The following CNTNAP5 variants were observed in gnomAD, a reference collection of about 807,000 sequenced individuals.
The protein encoded by CNTNAP5 is contactin associated protein family member 5.
A neutral mutation model predicts 150.2 loss-of-function variants in CNTNAP5; 72 were observed. That is an observed-to-expected ratio of 0.48 (90% CI 0.40 to 0.58). The LOEUF (loss-of-function observed/expected upper bound fraction) is 0.58, where lower values mean the gene tolerates loss of function less well. Ranked by LOEUF, CNTNAP5 falls within the 20% of genes least tolerant of loss-of-function variation. CNTNAP5 has a pLI of 0.00. For missense variants in CNTNAP5, 1,636 were observed against 1,626.2 expected (o/e 1.01, Z -0.10); for synonymous variants, 672 against 619.8 (o/e 1.08, Z -1.25).
At chr2:124,675,966 T>C (rs578059856) in intron 13 of CNTNAP5, among the ~76,000 whole-genome samples, 1 of 152,326 alleles carries the variant, frequency 6.6e-6, no homozygotes, top group East Asian at 1.9e-4. Flanking sequence ...TCAGATAATA[T>C]AATGTGGAAA....
At chr2:124,579,695 T>A (rs1005896442) in intron 11 of CNTNAP5, among the ~76,000 whole-genome samples, 23 of 152,166 alleles carry the variant, frequency 1.5e-4, no homozygotes, top group Non-Finnish European at 3.2e-4. Flanking sequence ...TCAACTGGGA[T>A]GACAAGAGCT....
rs564455756 is a variant in CNTNAP5 at position 124,795,406 on chromosome 2, G to T, written c.2993-2690G>T. On this transcript the variant is annotated intron_variant, in intron 18 of 23. Transcript: ENST00000682447. Reference sequence around the variant, plus strand: ...CCTCTTGCAGGTCTCAGGAGGCTCTGCTCTCAGAGACATCCAGCTCTGGAA... The same window carrying T: ...CCTCTTGCAGGTCTCAGGAGGCTCTTCTCTCAGAGACATCCAGCTCTGGAA... Among the ~76,000 whole-genome samples the T allele has an allele frequency of 4.6e-5, 7 of 152,280 alleles. No individual in the cohort carries two copies. The South Asian group carries it at 1.5e-3, about 32-fold the overall frequency.
intron 17 of CNTNAP5, among the ~76,000 whole-genome samples, chr2:124,777,545 G>T (rs1681352036): frequency 2.0e-5 from 3 of 152,058 alleles, no homozygotes; most frequent in South Asian, 4.2e-4. Context: ...GGCACATCTG[G>T]CTAATTTTTG....
At chr2:124,544,527 T>C (rs912837668) in intron 10 of CNTNAP5, among the ~76,000 whole-genome samples, 3 of 152,196 alleles carry the variant, frequency 2.0e-5, no homozygotes, top group Non-Finnish European at 2.9e-5. Context: ...TAATTATTGC[T>C]TCAGTGAATC....
chr2:124,510,746 C>A (rs1411351159), intron 8 of CNTNAP5, among the ~76,000 whole-genome samples: 1 of 151,832 alleles, frequency 6.6e-6, no homozygotes, highest in South Asian at 2.1e-4. Context: ...TTCCCCGTGC[C>A]CCATGAAACA....
chr2:124,713,379 C>CTTTCTTTCTTT (rs1422862533), intron 13 of CNTNAP5, among the ~76,000 whole-genome samples: 1 of 98,428 alleles, frequency 1.0e-5, no homozygotes, highest in African/African-American at 4.0e-5. Flanking sequence ...TTCTTTCTTT[C>CTTTCTTTCTTT]TTCTCCCTCT....
chr2:124,327,843 C>A (rs1473033202), intron 3 of CNTNAP5, among the ~76,000 whole-genome samples: 1 of 152,144 alleles, frequency 6.6e-6, no homozygotes, highest in Non-Finnish European at 1.5e-5. Flanking sequence ...CCACTTGGGC[C>A]CATGTCTTCA....
chr2:124,654,615 C>A (rs1003135220), intron 13 of CNTNAP5, among the ~76,000 whole-genome samples: 4 of 152,140 alleles, frequency 2.6e-5, no homozygotes, highest in Non-Finnish European at 4.4e-5. Context: ...GTTCTTGCTG[C>A]GGCCCACTTT....
chr2:124,540,353 T>C (rs1256251317), intron 10 of CNTNAP5, among the ~76,000 whole-genome samples: 1 of 152,192 alleles, frequency 6.6e-6, no homozygotes, highest in Non-Finnish European at 1.5e-5. Flanking sequence ...GAAATGAGAA[T>C]CATTTGTATC....
At chr2:124,212,485 G>A (rs1182789584) in intron 1 of CNTNAP5, among the ~76,000 whole-genome samples, 4 of 152,044 alleles carry the variant, frequency 2.6e-5, no homozygotes, top group African/African-American at 4.8e-5. Context: ...AACTATTCCA[G>A]CCACCACTCT....
At chr2:124,317,581 T>C (rs77555287) in intron 3 of CNTNAP5, among the ~76,000 whole-genome samples, 1 of 146,142 alleles carries the variant, frequency 6.8e-6, no homozygotes, top group East Asian at 2.0e-4. Flanking sequence ...AATCTCAGAA[T>C]TTTTTTTTTT....
chr2:124,698,997 G>A (rs936096532), intron 13 of CNTNAP5, among the ~76,000 whole-genome samples: 2 of 152,118 alleles, frequency 1.3e-5, no homozygotes, highest in African/African-American at 4.8e-5. Context: ...CAGAATTGTA[G>A]CCACTAACCA....
intron 19 of CNTNAP5, among the ~76,000 whole-genome samples, chr2:124,843,988 C>G (rs6719167): frequency 0.26 from 39,839 of 151,980 alleles, 7,858 homozygotes; most frequent in African/African-American, 0.56. Flanking sequence ...TTCTTTTGCT[C>G]TGCAGAAGCT....
rs1312116131 is a variant in CNTNAP5 at position 124,437,672 on chromosome 2, T to G, written c.733+2985T>G. On this transcript the variant is annotated intron_variant, in intron 5 of 23. Transcript: ENST00000682447. ...TTTAAATATTATTCTAAAATACTGT[T>G]GTTTTCCTGTTGTCACACAGCCTTA... Among the ~76,000 whole-genome samples the G allele has an allele frequency of 2.0e-5, 3 of 152,202 alleles. No individual in the cohort carries two copies. The South Asian group carries it at 6.2e-4, about 32-fold the overall frequency.
At chr2:124,770,322 GT>G (rs1284615213) in intron 16 of CNTNAP5, among the ~76,000 whole-genome samples, 2 of 152,164 alleles carry the variant, frequency 1.3e-5, no homozygotes, top group Admixed American at 6.5e-5. Context: ...GGGGGCTGCA[GT>G]TTGGAGCAGA....
chr2:124,537,466 G>A (rs561005898), intron 10 of CNTNAP5, among the ~76,000 whole-genome samples: 8 of 152,236 alleles, frequency 5.3e-5, no homozygotes, highest in East Asian at 1.9e-4. Flanking sequence ...TGAGATAGAC[G>A]CAGAACGAGC....
At chr2:124,391,086 A>G (rs1691097859) in intron 3 of CNTNAP5, among the ~76,000 whole-genome samples, 1 of 152,200 alleles carries the variant, frequency 6.6e-6, no homozygotes, top group African/African-American at 2.4e-5. Context: ...GGCCTTGGAC[A>G]AGTCGTTTGA....
chr2:124,484,556 A>C (rs779772510), intron 7 of CNTNAP5, among the ~76,000 whole-genome samples: 2 of 152,184 alleles, frequency 1.3e-5, no homozygotes, highest in Non-Finnish European at 2.9e-5. Flanking sequence ...GACTCCTAGG[A>C]TATTATAGGC....
At chr2:124,103,582 G>A (rs1019828455) in intron 1 of CNTNAP5, among the ~76,000 whole-genome samples, 31 of 151,976 alleles carry the variant, frequency 2.0e-4, no homozygotes, top group African/African-American at 7.0e-4. Context: ...AAATGCCATT[G>A]TGTTACAATT....
Sources: allele counts gnomAD v4.1 joint callset (sites outside exome capture counted in the v4.1 genomes callset), GRCh38; gene constraint gnomAD v4.1.1; transcripts MANE v1.5; gene names NCBI Gene and HGNC (gene_info 2026-07-23, HGNC 2026-07-21).